THSD4: variants seen among roughly 807,000 people sequenced by gnomAD.
The protein encoded by THSD4 is thrombospondin type-1 domain-containing protein 4.
In THSD4, 69 loss-of-function variants were observed where a neutral mutation model predicts 119.0. That is an observed-to-expected ratio of 0.58 (90% CI 0.48 to 0.71). The LOEUF is 0.71. THSD4 is among the 30% of genes least tolerant of loss of function. THSD4 has a pLI of 0.00. For synonymous variants in THSD4, 524 were observed against 540.4 expected (o/e 0.97, Z 0.42); for missense variants, 1,393 against 1,391.1 (o/e 1.00, Z -0.02).
chr15:71,588,305 CA>C (rs66537207), intron 7 of THSD4, among the ~76,000 whole-genome samples: 85,670 of 108,372 alleles, frequency 0.79, 33,302 homozygotes, highest in Middle Eastern at 0.88. Flanking sequence ...GACTCCGTCT[CA>C]AAAAAAAAAA....
chr15:71,173,400 T>C (rs2043402979), intron 3 of THSD4, among the ~76,000 whole-genome samples: 1 of 151,964 alleles, frequency 6.6e-6, no homozygotes, highest in East Asian at 1.9e-4. Context: ...AGATATCCCA[T>C]GTTCATGAAT....
At chr15:71,735,536 CTT>C (rs2053068910) in intron 10 of THSD4, among the ~76,000 whole-genome samples, 1 of 151,934 alleles carries the variant, frequency 6.6e-6, no homozygotes, top group Non-Finnish European at 1.5e-5. Context: ...ATCTCCCTCT[CTT>C]TTGCTCTCTC....
chr15:71,665,256 C>CT (rs1249116620), intron 8 of THSD4, among the ~76,000 whole-genome samples: 1 of 152,192 alleles, frequency 6.6e-6, no homozygotes, highest in African/African-American at 2.4e-5. Context: ...TGATATTGAG[C>CT]TTTTTTGCAT....
chr15:71,510,911 G>A (rs75617014), intron 7 of THSD4, among the ~76,000 whole-genome samples: 1 of 105,714 alleles, frequency 9.5e-6, no homozygotes, highest in Non-Finnish European at 2.0e-5. Context: ...GGATGGGTGA[G>A]CTCACGTTTG....
At chr15:71,143,330 A>G (rs1249722970) in intron 2 of THSD4, among the ~76,000 whole-genome samples, 1 of 152,116 alleles carries the variant, frequency 6.6e-6, no homozygotes, top group Admixed American at 6.5e-5. Flanking sequence ...TGAAATATGC[A>G]TCTAGTTTGT....
At chr15:71,553,571 C>T (rs1035756086) in intron 7 of THSD4, among the ~76,000 whole-genome samples, 2 of 152,286 alleles carry the variant, frequency 1.3e-5, no homozygotes, top group Non-Finnish European at 1.5e-5. Flanking sequence ...AGGTGATCCA[C>T]CCGCCTTGAA....
chr15:71,682,684 T>A lies in THSD4; in HGVS notation c.1357+21950T>A, dbSNP rs537660746. On this transcript the variant is annotated intron_variant, in intron 8 of 17. Coordinates refer to ENST00000261862, the MANE Select transcript of THSD4 (RefSeq NM_024817.3). ...CAATTTTACAAACCAATTTGTTGAGTGGTTCATTTATTTAACATTGGAATG... is the reference window on the plus strand; with the variant it reads ...CAATTTTACAAACCAATTTGTTGAGAGGTTCATTTATTTAACATTGGAATG... Among the ~76,000 whole-genome samples the A allele has an allele frequency of 2.6e-5, 4 of 152,048 alleles. No homozygotes were observed. In the East Asian group the frequency reaches 7.7e-4, roughly 29 times the overall value.
chr15:71,481,043 T>A (rs758230522), intron 7 of THSD4, among the ~76,000 whole-genome samples: 2 of 152,156 alleles, frequency 1.3e-5, no homozygotes, highest in African/African-American at 2.4e-5. Context: ...GTTAGACTTG[T>A]TTAAAAACAG....
chr15:71,317,972 T>C (rs980995838), intron 6 of THSD4, among the ~76,000 whole-genome samples: 2 of 152,192 alleles, frequency 1.3e-5, no homozygotes, highest in Non-Finnish European at 1.5e-5. Context: ...AGATCCTCAC[T>C]GCTGTTTTAT....
At chr15:71,515,759 C>T (rs1456603104) in intron 7 of THSD4, among the ~76,000 whole-genome samples, 1 of 152,150 alleles carries the variant, frequency 6.6e-6, no homozygotes, top group African/African-American at 2.4e-5. Flanking sequence ...TGTCTTGGCT[C>T]CTGGATTGTT....
rs530354888 is a variant in THSD4 at position 71,319,980 on chromosome 15, C to A, written c.1015+63265C>A. Among the ~76,000 whole-genome samples, 72 of 152,148 alleles carry A rather than the reference C, an allele frequency of 4.7e-4. 1 individual carries two copies. The highest frequency in any genetic ancestry group is 7.3e-4 in the Non-Finnish European group (50 of 68,028). On this transcript the variant is annotated intron_variant, in intron 6 of 17. Transcript: ENST00000261862. ...GGACGGTATGGTAACTAGACTCCAG[C>A]AAAAGGGTCATAGAACCATTTTTAA...
chr15:71,374,689 A>G (rs2046107288), intron 6 of THSD4, among the ~76,000 whole-genome samples: 2 of 152,234 alleles, frequency 1.3e-5, no homozygotes, highest in Non-Finnish European at 2.9e-5. Flanking sequence ...ATTCTAGGAA[A>G]GAAGTTGCTT....
intron 8 of THSD4, among the ~76,000 whole-genome samples, chr15:71,691,895 G>T (rs1181437227): frequency 6.6e-6 from 1 of 152,190 alleles, no homozygotes; most frequent in African/African-American, 2.4e-5. Flanking sequence ...AGGGGAATGA[G>T]AATGAAACTA....
At chr15:71,591,714 T>C (rs2049810371) in intron 7 of THSD4, among the ~76,000 whole-genome samples, 1 of 148,076 alleles carries the variant, frequency 6.8e-6, no homozygotes, top group South Asian at 2.2e-4. Flanking sequence ...GGGAGAGATG[T>C]TCAGACTGCG....
At chr15:71,318,863 G>A (rs1286180646) in intron 6 of THSD4, among the ~76,000 whole-genome samples, 1 of 152,192 alleles carries the variant, frequency 6.6e-6, no homozygotes, top group Non-Finnish European at 1.5e-5. Context: ...CAGCAGTGGA[G>A]AGAACACTGA....
At chr15:71,191,059 C>T (rs1362083050) in intron 3 of THSD4, among the ~76,000 whole-genome samples, 1 of 152,232 alleles carries the variant, frequency 6.6e-6, no homozygotes, top group Non-Finnish European at 1.5e-5. Context: ...ATCACTCTCT[C>T]TGTTCCTGGG....
At chr15:71,717,931 T>A (rs1416123406) in intron 8 of THSD4, among the ~76,000 whole-genome samples, 1 of 152,144 alleles carries the variant, frequency 6.6e-6, no homozygotes. Context: ...GGAGGATCAC[T>A]TGAGCCCAGG....
intron 7 of THSD4, among the ~76,000 whole-genome samples, chr15:71,543,670 T>C (rs2048793599): frequency 6.6e-6 from 1 of 152,218 alleles, no homozygotes; most frequent in Admixed American, 6.5e-5. Context: ...AAGTATCCAT[T>C]AGGCAACTGG....
At chr15:71,615,674 G>A (rs59323776) in intron 7 of THSD4, among the ~76,000 whole-genome samples, 26,538 of 152,066 alleles carry the variant, frequency 0.17, 2,875 homozygotes, top group Non-Finnish European at 0.24. Context: ...AACAAGAGCT[G>A]TTTCCTCTTG....
Sources: allele counts gnomAD v4.1 joint callset (sites outside exome capture counted in the v4.1 genomes callset), GRCh38; gene constraint gnomAD v4.1.1; transcripts MANE v1.5; gene names NCBI Gene and HGNC (gene_info 2026-07-23, HGNC 2026-07-21).